The following PRKG1 variants were observed in gnomAD, a reference collection of about 807,000 sequenced individuals.
The protein encoded by PRKG1 is cGMP-dependent protein kinase 1.
PRKG1 carries 35 observed loss-of-function variants against 88.1 expected under a neutral mutation model. That is an observed-to-expected ratio of 0.40 (90% CI 0.30 to 0.53). The LOEUF is 0.53. Among genes scored for constraint, PRKG1 ranks in the 20% least tolerant of loss-of-function variants. The pLI is 0.59. For synonymous variants in PRKG1, 303 were observed against 292.5 expected (o/e 1.04, Z -0.37); for missense variants, 540 against 839.8 (o/e 0.64, Z 4.41).
At chr10:52,072,870 C>A (rs1191096494) in intron 7 of PRKG1, among the ~76,000 whole-genome samples, 1 of 152,202 alleles carries the variant, frequency 6.6e-6, no homozygotes, top group Non-Finnish European at 1.5e-5. Context: ...TTTATCCATT[C>A]CCCTCTTTGT....
intron 1 of PRKG1, among the ~76,000 whole-genome samples, chr10:50,996,131 T>C (rs1300592071): frequency 6.6e-6 from 1 of 152,192 alleles, no homozygotes. Flanking sequence ...AAAGCAATAA[T>C]AGAGATAGCT....
intron 9 of PRKG1, among the ~76,000 whole-genome samples, chr10:52,174,857 G>A (rs569150761): frequency 2.0e-5 from 3 of 151,974 alleles, no homozygotes; most frequent in Non-Finnish European, 4.4e-5. Context: ...TTATATCAAT[G>A]CATCTTTATT....
intron 5 of PRKG1, among the ~76,000 whole-genome samples, chr10:51,942,929 G>A (rs1182183085): frequency 9.9e-5 from 15 of 151,500 alleles, no homozygotes; most frequent in African/African-American, 2.9e-4. Flanking sequence ...TTGACTTGGC[G>A]ATGCGGGCTC....
chr10:51,653,612 G>T (rs941768185), intron 3 of PRKG1, among the ~76,000 whole-genome samples: 44 of 151,908 alleles, frequency 2.9e-4, no homozygotes, highest in African/African-American at 9.7e-4. Flanking sequence ...TGTTGCCCAG[G>T]CTGGAGTGCA....
intron 5 of PRKG1, among the ~76,000 whole-genome samples, chr10:52,014,894 C>T (rs901545558): frequency 1.3e-5 from 2 of 152,238 alleles, no homozygotes; most frequent in African/African-American, 2.4e-5. Context: ...TCAGGGCACA[C>T]TGATGCAAGG....
At chr10:52,152,116 A>C (rs1837944713) in intron 8 of PRKG1, among the ~76,000 whole-genome samples, 1 of 152,182 alleles carries the variant, frequency 6.6e-6, no homozygotes, top group African/African-American at 2.4e-5. Context: ...CTTTTAACTC[A>C]TATATCTTAA....
At chr10:51,935,018 G>A (rs79724936) in intron 5 of PRKG1, among the ~76,000 whole-genome samples, 3,215 of 152,140 alleles carry the variant, frequency 0.021, 98 homozygotes, top group African/African-American at 0.069. Flanking sequence ...GGATGGTTCC[G>A]GCAATGGGAA....
intron 3 of PRKG1, among the ~76,000 whole-genome samples, chr10:51,731,069 T>C (rs1842260895): frequency 6.6e-6 from 1 of 152,056 alleles, no homozygotes. Context: ...GGCAGGAGAA[T>C]TGCTTGAACC....
intron 4 of PRKG1, among the ~76,000 whole-genome samples, chr10:51,882,834 A>G (rs540152552): frequency 6.6e-6 from 1 of 152,210 alleles, no homozygotes; most frequent in Non-Finnish European, 1.5e-5. Context: ...TCAGATATGT[A>G]TGAGTACTGG....
chr10:52,174,982 A>G (rs1462938712), intron 9 of PRKG1, among the ~76,000 whole-genome samples: 2 of 152,080 alleles, frequency 1.3e-5, no homozygotes, highest in Non-Finnish European at 2.9e-5. Context: ...TCAAACATTT[A>G]TGATTTCTCT....
intron 4 of PRKG1, among the ~76,000 whole-genome samples, chr10:51,822,451 C>T (rs58618242): frequency 0.21 from 31,891 of 151,518 alleles, 5,327 homozygotes; most frequent in African/African-American, 0.47. Flanking sequence ...GAACAAATGG[C>T]GCTAAATGAA....
chr10:52,236,001 G>A (rs1265241496), intron 9 of PRKG1, among the ~76,000 whole-genome samples: 8 of 116,002 alleles, frequency 6.9e-5, no homozygotes, highest in Non-Finnish European at 1.0e-4. Context: ...TAGAACTCAG[G>A]ATTAAGAATC....
intron 7 of PRKG1, among the ~76,000 whole-genome samples, chr10:52,084,513 A>G (rs892278155): frequency 6.6e-6 from 1 of 152,058 alleles, no homozygotes; most frequent in Admixed American, 6.6e-5. Context: ...TTCACCGGTT[A>G]CTGACATTTT....
chr10:51,989,350 G>T (rs1389615825), intron 5 of PRKG1, among the ~76,000 whole-genome samples: 1 of 152,004 alleles, frequency 6.6e-6, no homozygotes, highest in East Asian at 1.9e-4. Flanking sequence ...CATCATCAAA[G>T]ATCTATTCAT....
At position 51,452,549 on chromosome 10, in the gene PRKG1, CAT is replaced by C. The variant is rs565605227; in HGVS notation, c.479-15171_479-15170del. Among the ~76,000 whole-genome samples the C allele has an allele frequency of 8.4e-3, 1,282 of 152,026 alleles. 25 individuals carry two copies. Among genetic ancestry groups the C allele is most frequent in the African/African-American group, 0.03 (1,227 of 41,522 alleles). Reference sequence around the variant, plus strand: ...CTTTTTCTGTGTCTGTTGAGATGATCATATGATTTTTGTTTTTAATTCTGCTT... The same window carrying C: ...CTTTTTCTGTGTCTGTTGAGATGATCATGATTTTTGTTTTTAATTCTGCTT... On this transcript the variant is annotated intron_variant, in intron 2 of 17. Transcript: ENST00000373980.
At chr10:51,416,264 A>T (rs887682109) in intron 2 of PRKG1, among the ~76,000 whole-genome samples, 1 of 152,210 alleles carries the variant, frequency 6.6e-6, no homozygotes, top group Non-Finnish European at 1.5e-5. Context: ...TATCATGGTG[A>T]AAATTAGGAT....
chr10:52,107,666 C>T (rs1316029641), intron 7 of PRKG1, among the ~76,000 whole-genome samples: 1 of 152,174 alleles, frequency 6.6e-6, no homozygotes, highest in African/African-American at 2.4e-5. Context: ...AAAGAAGCAA[C>T]AGCTTAACTA....
At chr10:51,760,981 G>C (rs1002060410) in intron 3 of PRKG1, among the ~76,000 whole-genome samples, 14 of 152,036 alleles carry the variant, frequency 9.2e-5, no homozygotes, top group Non-Finnish European at 1.8e-4. Flanking sequence ...CCAGTCTGGT[G>C]TGCATGCCTG....
chr10:51,509,111 C>A (rs752832048), intron 3 of PRKG1, among the ~76,000 whole-genome samples: 1 of 152,094 alleles, frequency 6.6e-6, no homozygotes, highest in Non-Finnish European at 1.5e-5. Flanking sequence ...GACTCCTTAA[C>A]AACATTGTAA....
Sources: allele counts gnomAD v4.1 joint callset (sites outside exome capture counted in the v4.1 genomes callset), GRCh38; gene constraint gnomAD v4.1.1; transcripts MANE v1.5; gene names NCBI Gene and HGNC (gene_info 2026-07-23, HGNC 2026-07-21).